The following CDH13 variants were observed in gnomAD, a reference collection of about 807,000 sequenced individuals.
CDH13 encodes the protein cadherin-13.
Under a neutral mutation model 63.8 loss-of-function variants are expected in CDH13, and 24 were observed. The observed-to-expected ratio is 0.38, with a 90% CI of 0.27 to 0.53. CDH13 has a LOEUF of 0.53. CDH13 is among the 20% of genes least tolerant of loss of function. The pLI is 0.85. For missense variants in CDH13, 1,049 were observed against 903.1 expected (o/e 1.16, Z -2.07); for synonymous variants, 503 against 355.3 (o/e 1.42, Z -4.67).
intron 4 of CDH13, among the ~76,000 whole-genome samples, chr16:83,215,978 A>G (rs2039491789): frequency 6.6e-6 from 1 of 151,272 alleles, no homozygotes; most frequent in Non-Finnish European, 1.5e-5. Context: ...ACATCTACAT[A>G]AAAAGACCAC....
chr16:82,790,350 G>T (rs1279520865), intron 1 of CDH13, among the ~76,000 whole-genome samples: 2 of 152,086 alleles, frequency 1.3e-5, no homozygotes, highest in Non-Finnish European at 2.9e-5. Flanking sequence ...CAGGAGAATT[G>T]CGTGAACCCG....
chr16:83,702,924 A>T (rs1309905564), intron 10 of CDH13, among the ~76,000 whole-genome samples: 1 of 152,200 alleles, frequency 6.6e-6, no homozygotes, highest in Non-Finnish European at 1.5e-5. Flanking sequence ...CATAGGATGC[A>T]TGTGGAGGTG....
At chr16:83,546,366 T>G (rs907253354) in intron 7 of CDH13, among the ~76,000 whole-genome samples, 1 of 152,182 alleles carries the variant, frequency 6.6e-6, no homozygotes, top group Non-Finnish European at 1.5e-5. Context: ...GTGCCTTCAT[T>G]TAATTTAACT....
intron 1 of CDH13, among the ~76,000 whole-genome samples, chr16:82,842,112 G>GTGTA (rs1483821832): frequency 6.8e-5 from 4 of 58,960 alleles, no homozygotes; most frequent in African/African-American, 2.7e-4. Context: ...ATATATATAT[G>GTGTA]TATATATATA....
intron 7 of CDH13, among the ~76,000 whole-genome samples, chr16:83,502,971 G>A (rs1464831708): frequency 6.6e-6 from 1 of 152,180 alleles, no homozygotes; most frequent in Non-Finnish European, 1.5e-5. Context: ...CCTCTCAGGG[G>A]GTGGCCTTCC....
At chr16:83,689,538 A>C (rs1332864485) in intron 10 of CDH13, among the ~76,000 whole-genome samples, 1 of 152,258 alleles carries the variant, frequency 6.6e-6, no homozygotes, top group African/African-American at 2.4e-5. Context: ...TAACTAATTC[A>C]AGAAATGCAT....
At chr16:83,722,123 A>G (rs1255792411) in intron 10 of CDH13, among the ~76,000 whole-genome samples, 1 of 152,142 alleles carries the variant, frequency 6.6e-6, no homozygotes, top group Non-Finnish European at 1.5e-5. Flanking sequence ...AGTGGGGAGG[A>G]GTGTGCCACA....
chr16:82,702,782 C>G (rs982398108), intron 1 of CDH13, among the ~76,000 whole-genome samples: 32 of 152,154 alleles, frequency 2.1e-4, no homozygotes, highest in African/African-American at 7.5e-4. Context: ...ATGATTTCCT[C>G]TGCCTGGAAC....
chr16:82,994,525 T>C (rs2151412588), intron 2 of CDH13, among the ~76,000 whole-genome samples: 1 of 152,202 alleles, frequency 6.6e-6, no homozygotes, highest in East Asian at 1.9e-4. Context: ...ACTCAGCTAA[T>C]GGCCCCTTTG....
intron 6 of CDH13, among the ~76,000 whole-genome samples, chr16:83,435,302 C>T (rs1035045390): frequency 6.6e-6 from 1 of 152,110 alleles, no homozygotes; most frequent in Non-Finnish European, 1.5e-5. Context: ...TCTCAGCCTC[C>T]CAAAGGGCTG....
At chr16:83,356,980 C>T (rs1006281410) in intron 6 of CDH13, among the ~76,000 whole-genome samples, 5 of 152,110 alleles carry the variant, frequency 3.3e-5, no homozygotes, top group Non-Finnish European at 7.3e-5. Context: ...TCCAGTTTTC[C>T]ACTTTTCTTT....
intron 10 of CDH13, among the ~76,000 whole-genome samples, chr16:83,685,738 A>T (rs1429748076): frequency 6.6e-6 from 1 of 152,218 alleles, no homozygotes; most frequent in South Asian, 2.1e-4. Flanking sequence ...AAGAAGGAGC[A>T]GAGTGGCACA....
chr16:83,684,871 G>A (rs1220365270), intron 10 of CDH13, among the ~76,000 whole-genome samples: 1 of 152,168 alleles, frequency 6.6e-6, no homozygotes, highest in African/African-American at 2.4e-5. Context: ...GCTCAGAGCA[G>A]ACGGAAGTTG....
At chr16:83,599,169 C>G (rs987861030) in intron 7 of CDH13, among the ~76,000 whole-genome samples, 2 of 152,232 alleles carry the variant, frequency 1.3e-5, no homozygotes, top group Non-Finnish European at 2.9e-5. Flanking sequence ...GCAGCATACT[C>G]CTGCTATAGT....
rs370578615 is a variant in CDH13, at chr16:83,357,058, C to G, written c.781+12052C>G. On this transcript the variant is annotated intron_variant, in intron 6 of 13. Coordinates refer to ENST00000567109, the MANE Select transcript of CDH13 (RefSeq NM_001257.5). ...AGGCTTCTAACATGGATGCCTTCCTCTTGGAAGTGGGTTGGGGTTCGTGTT... is the reference window on the plus strand; with the variant it reads ...AGGCTTCTAACATGGATGCCTTCCTGTTGGAAGTGGGTTGGGGTTCGTGTT... 1.0e-3 allele frequency among the ~76,000 whole-genome samples: 157 copies of G among 152,238 alleles called. 4 individuals carry two copies. In the East Asian group the frequency reaches 0.021, roughly 21 times the overall value.
In CDH13 at chr16:83,678,200, C is replaced by A; in HGVS notation, c.1285-8C>A. 6.2e-7 allele frequency: 1 copy of A among 1,606,664 alleles called. No individual in the cohort carries two copies. The highest frequency in any genetic ancestry group is 1.1e-5 in the South Asian group (1 of 90,566). ...GTGCATCCTGAGACCCTTCTGTCTG[C>A]TTTCCAGCCATTGGACTATGAAATT... is the stretch of plus-strand genomic sequence containing the variant. On this transcript the variant is annotated splice_region_variant and splice_polypyrimidine_tract_variant and intron_variant, in intron 9 of 13. Coordinates refer to ENST00000567109, the MANE Select transcript of CDH13 (RefSeq NM_001257.5).
chr16:82,734,442 G>A (rs573244076), intron 1 of CDH13, among the ~76,000 whole-genome samples: 1 of 152,290 alleles, frequency 6.6e-6, no homozygotes, highest in Non-Finnish European at 1.5e-5. Flanking sequence ...AGGCAGGTGC[G>A]CCTGCAACAG....
At chr16:83,724,517 G>C (rs967877853) in intron 10 of CDH13, among the ~76,000 whole-genome samples, 11 of 152,038 alleles carry the variant, frequency 7.2e-5, no homozygotes, top group Admixed American at 3.9e-4. Context: ...TGCATGAGTC[G>C]GTGGATGAAT....
At chr16:82,798,489 T>C (rs1366865454) in intron 1 of CDH13, among the ~76,000 whole-genome samples, 2 of 152,180 alleles carry the variant, frequency 1.3e-5, no homozygotes, top group Non-Finnish European at 2.9e-5. Flanking sequence ...TCTCCAACCA[T>C]CATTTCTAAG....
Sources: allele counts gnomAD v4.1 joint callset (sites outside exome capture counted in the v4.1 genomes callset), GRCh38; gene constraint gnomAD v4.1.1; transcripts MANE v1.5; gene names NCBI Gene and HGNC (gene_info 2026-07-23, HGNC 2026-07-21).